The following TRIM66 variants were observed in gnomAD, a reference collection of about 807,000 sequenced individuals.
The protein encoded by TRIM66 is tripartite motif-containing protein 66.
Under a neutral mutation model 148.2 loss-of-function variants are expected in TRIM66, and 99 were observed. That is an observed-to-expected ratio of 0.67 (90% CI 0.57 to 0.79). The LOEUF (loss-of-function observed/expected upper bound fraction) is 0.79. Among genes scored for constraint, TRIM66 ranks in the 30% least tolerant of loss-of-function variants. The pLI is 0.00. For synonymous variants in TRIM66, 616 were observed against 635.9 expected (o/e 0.97, Z 0.47); for missense variants, 1,666 against 1,697.9 (o/e 0.98, Z 0.33).
At chr11:8,678,158 T>C (rs1012305652) in intron 3 of TRIM66, 3 of 152,252 alleles carry the variant, frequency 2.0e-5, no homozygotes, top group African/African-American at 7.2e-5. Flanking sequence ...GTCTCACTTC[T>C]GGGAATTTAT....
intron 15 of TRIM66, among the ~76,000 whole-genome samples, chr11:8,638,052 G>A (rs547086097): frequency 3.3e-5 from 5 of 152,310 alleles, no homozygotes; most frequent in African/African-American, 1.2e-4. Context: ...AGATCTCTGT[G>A]TCTCAGCTGC....
chr11:8,673,130 C>T lies in TRIM66; in HGVS notation c.-111-745G>A, dbSNP rs1008836184. Among the ~76,000 whole-genome samples, 12 of 150,022 alleles carry T rather than the reference C, an allele frequency of 8.0e-5. No homozygotes were observed. In the South Asian group the frequency reaches 1.1e-3, roughly 13 times the overall value. ...ATTTTTTTTGTATTTTTAGTAGAGA[C>T]GGGGTTTCACCGTGGTCTCGATCTC... is the stretch of plus-strand genomic sequence containing the variant. On this transcript the variant is annotated intron_variant, in intron 4 of 24. Coordinates refer to ENST00000646038, the MANE Select transcript of TRIM66 (RefSeq NM_001388022.1).
At chr11:8,656,796 G>A (rs962684328) in intron 6 of TRIM66, among the ~76,000 whole-genome samples, 6 of 152,156 alleles carry the variant, frequency 3.9e-5, no homozygotes, top group Admixed American at 1.3e-4. Context: ...GGCTCACCCC[G>A]CTTTAAAAAG....
At position 8,647,969 on chromosome 11, in the gene TRIM66, C is replaced by G. The variant is rs1410018597; in HGVS notation, c.842+1G>C. Reference sequence around the variant, plus strand: ...ACTGGCAAGGCACTAGCCTGTGCTACCTGTCCTCAATTTGCTTTGCAGATG... The same window carrying G: ...ACTGGCAAGGCACTAGCCTGTGCTAGCTGTCCTCAATTTGCTTTGCAGATG... On this transcript the variant is annotated splice_donor_variant, in intron 10 of 24. Coordinates refer to ENST00000646038, the MANE Select transcript of TRIM66 (RefSeq NM_001388022.1). LOFTEE classifies it high-confidence loss of function. 1.3e-6 allele frequency: 2 copies of G among 1,550,822 alleles called. No homozygotes were observed. The highest frequency in any genetic ancestry group is 1.7e-6 in the Non-Finnish European group (2 of 1,146,176).
chr11:8,641,263 A>G, intron 13 of TRIM66, 111 bp from the exon 14 acceptor site: 1 of 1,007,016 alleles, frequency 9.9e-7, no homozygotes, highest in Non-Finnish European at 1.4e-6. Flanking sequence ...TACCAGGAAC[A>G]GAGATTAAGA....
rs933406900 is a variant in TRIM66 at position 8,648,418 on chromosome 11, G to A, written c.723C>T (p.His241=). 6.4e-7 allele frequency: 1 copy of A among 1,551,344 alleles called. No homozygotes were observed. The highest frequency in any genetic ancestry group is 2.0e-5 in the Admixed American group (1 of 50,984). The change falls in exon 9 of 25, where the codon CAC becomes CAT. Residue 241 remains histidine, a splice_region_variant and synonymous_variant. Transcript: ENST00000646038. The part of the protein sequence containing the change: ...HSCLVVEHKE[H]RCRHVEEVLQ... ...TTCAGGCAGTCTGTCAGCCCCACCT[G>A]TGTTCTTTGTGTTCCACCACTAGGC...
chr11:8,623,517 TTCAG>T (rs1423705260), intron 17 of TRIM66, among the ~76,000 whole-genome samples: 2 of 152,220 alleles, frequency 1.3e-5, no homozygotes, highest in East Asian at 1.9e-4. Context: ...CAGTTGGCCT[TTCAG>T]TCAGTGTGAA....
chr11:8,678,962 T>C (rs1450376876), intron 3 of TRIM66: 1 of 152,196 alleles, frequency 6.6e-6, no homozygotes, highest in Admixed American at 6.5e-5. Context: ...ATCTCTTCCG[T>C]TCATTTCTGA....
intron 5 of TRIM66, 74 bp from the exon 6 acceptor site, chr11:8,672,172 G>C: frequency 2.0e-6 from 3 of 1,531,996 alleles, no homozygotes; most frequent in Non-Finnish European, 2.6e-6. Flanking sequence ...AGGGGCCTTC[G>C]AGAACAAGGC....
intron 15 of TRIM66, among the ~76,000 whole-genome samples, chr11:8,628,770 C>T (rs556251989): frequency 5.9e-5 from 9 of 151,878 alleles, no homozygotes; most frequent in Non-Finnish European, 1.0e-4. Flanking sequence ...CCCCTCTTCT[C>T]CTCTCTCCCT....
intron 6 of TRIM66, among the ~76,000 whole-genome samples, chr11:8,663,546 GC>G (rs938714292): frequency 6.6e-6 from 1 of 151,820 alleles, no homozygotes; most frequent in Non-Finnish European, 1.5e-5. Context: ...TCTTCCCCCT[GC>G]CCCCCCACAA....
chr11:8,668,834 C>T (rs1429223339), intron 6 of TRIM66, among the ~76,000 whole-genome samples: 1 of 152,096 alleles, frequency 6.6e-6, no homozygotes, highest in Non-Finnish European at 1.5e-5. Flanking sequence ...AATCCGCCCA[C>T]CTCGGCCTCC....
chr11:8,640,526 G>A lies in TRIM66; in HGVS notation c.1849C>T (p.Pro617Ser), dbSNP rs1473018457. The A allele has an allele frequency of 1.3e-6, 2 of 1,518,042 alleles. No individual in the cohort carries two copies. Among genetic ancestry groups the A allele is most frequent in the Non-Finnish European group, 8.9e-7 (1 of 1,127,840 alleles). The allele number at this position is 1,518,042 out of a possible 1,614,324, so 94.0% of individuals were successfully genotyped here. A position where few individuals can be genotyped will look rare whatever the true frequency, so the allele number is the denominator to read the frequency against. ...GGGTGTGGCTGCTGTGGGGGAGGGG[G>A]AAGGGGAGGTGGGGGATGGGGGAGG... ...PPLPHPPPPL[P>S]PPPQQPHPPL... The change falls in exon 14 of 25, where the codon CCC becomes TCC. Residue 617 changes from proline (P) to serine (S), a missense_variant. By Grantham distance (74) the Pro-to-Ser change is moderately conservative (BLOSUM62 -1). Transcript: ENST00000646038.
In TRIM66 at chr11:8,614,652, A is replaced by G; in HGVS notation, c.*3292T>C. 6.6e-6 allele frequency: 1 copy of G among 152,606 alleles called. No homozygotes were observed. The highest frequency in any genetic ancestry group is 1.5e-5 in the Non-Finnish European group (1 of 68,198). 9.5% of individuals were successfully genotyped at this position (152,606 alleles called of 1,614,324 possible). A position where few individuals can be genotyped will look rare whatever the true frequency, so the allele number is the denominator to read the frequency against. ...ACTATAAGTGACTCCATGGAGTGAG[A>G]GAGGGAGCAGAACAGAGCCCAGGAA... On this transcript the variant is annotated 3_prime_UTR_variant, in exon 25 of 25. Coordinates refer to ENST00000646038, the MANE Select transcript of TRIM66 (RefSeq NM_001388022.1).
rs1377109590 is a variant in TRIM66 at position 8,612,224 on chromosome 11, T to G, written c.*5720A>C. 6.6e-6 allele frequency: 1 copy of G among 152,162 alleles called. No homozygotes were observed. The highest frequency in any genetic ancestry group is 2.4e-5 in the African/African-American group (1 of 41,418). 9.4% of individuals were successfully genotyped at this position (152,162 alleles called of 1,614,324 possible). A position where few individuals can be genotyped will look rare whatever the true frequency, so the allele number is the denominator to read the frequency against. On this transcript the variant is annotated 3_prime_UTR_variant, in exon 25 of 25. Coordinates refer to ENST00000646038, the MANE Select transcript of TRIM66 (RefSeq NM_001388022.1). The stretch of plus-strand genomic sequence containing the variant: ...CAAGAAAGGGGTACAGCTTGAGGAA[T>G]GGGCATATGGCTCAGGAAGCAGCAC...
chr11:8,640,097 G>A, intron 14 of TRIM66, 130 bp downstream of exon 14: 1 of 920,898 alleles, frequency 1.1e-6, no homozygotes, highest in Non-Finnish European at 1.6e-6. Context: ...TGAAATGTGA[G>A]GGCTGAGCTC....
intron 7 of TRIM66, among the ~76,000 whole-genome samples, chr11:8,650,656 G>A (rs1234172935): frequency 5.3e-5 from 8 of 152,180 alleles, no homozygotes; most frequent in African/African-American, 1.7e-4. Flanking sequence ...GAGTAATGCT[G>A]TAATTAAAAG....
intron 1 of TRIM66, among the ~76,000 whole-genome samples, 156 bp from the exon 2 acceptor site, chr11:8,680,219 G>C (rs2039347087): frequency 6.6e-6 from 1 of 152,232 alleles, no homozygotes; most frequent in Non-Finnish European, 1.5e-5. Flanking sequence ...TAGAAAGCTT[G>C]TGTAAGGGAG....
At position 8,646,517 on chromosome 11, in the gene TRIM66, A is replaced by T; in HGVS notation, c.887T>A (p.Ile296Asn). Reference sequence around the variant, plus strand: ...CATCAGAACCATCTTGGCCATTTTGATCTGGTTTTCCACCTTCCTATGCTG... The same window carrying T: ...CATCAGAACCATCTTGGCCATTTTGTTCTGGTTTTCCACCTTCCTATGCTG... ...KHQHRKVENQ[I>N]KMAKMVLMNE... Residue 296 changes from isoleucine (I) to asparagine (N), a missense_variant, in exon 11 of 25, where the codon ATC becomes AAC. By Grantham distance (149) the Ile-to-Asn change is moderately radical (BLOSUM62 -3). This residue lies in a region of TRIM66 where 1,431 missense variants were observed against 1,412.4 expected (regional missense o/e 1.01). Transcript: ENST00000646038. 1 of 1,552,058 alleles carries T rather than the reference A, an allele frequency of 6.4e-7. No homozygotes were observed. Among genetic ancestry groups the T allele is most frequent in the Non-Finnish European group, 8.7e-7 (1 of 1,147,066 alleles).
Sources: allele counts gnomAD v4.1 joint callset (sites outside exome capture counted in the v4.1 genomes callset), GRCh38; gene constraint gnomAD v4.1.1; regional missense constraint gnomAD v4.1.1; transcripts MANE v1.5; gene names NCBI Gene and HGNC (gene_info 2026-07-23, HGNC 2026-07-21).